The following SI variants were observed in gnomAD, a reference collection of about 807,000 sequenced individuals.
The protein encoded by SI is sucrase-isomaltase, also known as sucrase-isomaltase, intestinal.
In SI, 235 loss-of-function variants were observed where a neutral mutation model predicts 253.3. The ratio of observed to expected loss-of-function variants is 0.93; its 90% CI spans 0.83 to 1.03. The LOEUF (loss-of-function observed/expected upper bound fraction) is 1.03. Ranked by LOEUF, SI falls within the 50% of genes least tolerant of loss-of-function variation. SI has a pLI of 0.00. For missense variants in SI, 2,442 were observed against 2,211.1 expected, an observed-to-expected ratio of 1.10 and a Z score of -2.09; for synonymous variants, 819 against 712.0, an observed-to-expected ratio of 1.15 and a Z score of -2.39.
At chr3:165,070,550 A>G (rs1451890400) in intron 3 of SI, among the ~76,000 whole-genome samples, 1 of 151,520 alleles carries the variant, frequency 6.6e-6, no homozygotes, top group Non-Finnish European at 1.5e-5. Flanking sequence ...AGCAATACAA[A>G]GAGACAATTC....
Position 165,063,523 on chromosome 3 carries a change from CG to C in SI, c.825del (p.Tyr275Ter). The C allele has an allele frequency of 1.3e-6, 2 of 1,502,450 alleles. No homozygotes were observed. Among genetic ancestry groups the C allele is most frequent in the Non-Finnish European group, 9.1e-7 (1 of 1,092,964 alleles). The allele number at this position is 1,502,450 out of a possible 1,614,324, so 93.1% of individuals were successfully genotyped here. On this transcript the variant is annotated frameshift_variant, in exon 8 of 48. Transcript: ENST00000264382. LOFTEE classifies it high-confidence loss of function. ...ATACACATAAAGAATGTTTGATGGC[CG>C]TATAAATTATTATTATTCTATAAGG... ...QLPGDNNNNL[Y>X]GHQTFFMCIE...
intron 45 of SI, 98 bp downstream of exon 45, chr3:164,987,040 C>T: frequency 1.1e-6 from 1 of 945,038 alleles, no homozygotes; most frequent in Non-Finnish European, 1.7e-6. Flanking sequence ...ATATTAATAG[C>T]TTTGTACTCA....
At chr3:165,077,621 C>T (rs1004291235) in intron 1 of SI, among the ~76,000 whole-genome samples, 1 of 151,372 alleles carries the variant, frequency 6.6e-6, no homozygotes, top group Non-Finnish European at 1.5e-5. Context: ...CAAAGCTGTT[C>T]GAAAAATGAA....
At chr3:165,071,550 G>A (rs1714579762) in intron 3 of SI, among the ~76,000 whole-genome samples, 1 of 151,500 alleles carries the variant, frequency 6.6e-6, no homozygotes, top group African/African-American at 2.4e-5. Context: ...TCAATATGTA[G>A]ATATGTATAT....
chr3:165,065,238 T>C, intron 7 of SI, 23 bp downstream of exon 7: 1 of 1,503,910 alleles, frequency 6.6e-7, no homozygotes, highest in Non-Finnish European at 9.2e-7. Context: ...ATTTTATTTA[T>C]AACAAGAAAA....
chr3:164,986,564 T>C (rs918550238), intron 45 of SI, among the ~76,000 whole-genome samples: 10 of 152,218 alleles, frequency 6.6e-5, no homozygotes, highest in African/African-American at 2.2e-4. Flanking sequence ...TCCTGTTTCA[T>C]TGAACCTAAG....
intron 6 of SI, among the ~76,000 whole-genome samples, chr3:165,066,180 T>C (rs1714236811): frequency 6.6e-6 from 1 of 151,970 alleles, no homozygotes; most frequent in Admixed American, 6.6e-5. Flanking sequence ...GTATTCATTA[T>C]TATAAGTAAT....
the SI span, among the ~76,000 whole-genome samples, chr3:165,087,328 T>C: frequency 1.3e-5 from 2 of 151,974 alleles, no homozygotes; most frequent in African/African-American, 2.4e-5. Flanking sequence ...GACACCCTTA[T>C]CAAACCAGGT....
In SI at chr3:165,059,316, T is replaced by C. The variant is rs1393897969; in HGVS notation, c.1147-17A>G. ...CTGTGTATCCTGAAAGTTAGAAGAT[T>C]GTATTTCAATACATAGTACTGAAAG... On this transcript the variant is annotated splice_polypyrimidine_tract_variant and intron_variant, in intron 10 of 47. Coordinates refer to ENST00000264382, the MANE Select transcript of SI (RefSeq NM_001041.4). 1 of 1,610,038 alleles carries C rather than the reference T, an allele frequency of 6.2e-7. No individual in the cohort carries two copies. Among genetic ancestry groups the C allele is most frequent in the Admixed American group, 1.7e-5 (1 of 59,838 alleles).
At chr3:165,084,377 A>G in the SI span, among the ~76,000 whole-genome samples, 1 of 152,082 alleles carries the variant, frequency 6.6e-6, no homozygotes. Flanking sequence ...GAGCTGGTTG[A>G]TTTCAAACAT....
chr3:164,991,596 C>T (rs993705770), intron 43 of SI, 119 bp from the exon 44 acceptor site: 3 of 1,035,360 alleles, frequency 2.9e-6, no homozygotes, highest in Non-Finnish European at 4.4e-6. Flanking sequence ...TTAAAAAATT[C>T]ACATTTATTC....
intron 47 of SI, 37 bp from the exon 48 acceptor site, chr3:164,979,467 AACC>A (rs1559973450): frequency 8.7e-7 from 1 of 1,149,742 alleles, no homozygotes; most frequent in Non-Finnish European, 1.3e-6. Context: ...GTTTAATCAC[AACC>A]ACATTTTTCT....
At chr3:165,037,851 T>C in intron 21 of SI, 49 bp downstream of exon 21, 1 of 1,293,812 alleles carries the variant, frequency 7.7e-7, no homozygotes, top group Non-Finnish European at 1.1e-6. Flanking sequence ...TATGAAATAT[T>C]AAGATTTGAA....
At chr3:165,045,856 T>C (rs965184709) in intron 16 of SI, among the ~76,000 whole-genome samples, 21 of 150,476 alleles carry the variant, frequency 1.4e-4, no homozygotes, top group African/African-American at 5.1e-4. Context: ...CAATTTTTTT[T>C]TTTTTTTTTT....
chr3:165,056,856 T>A (rs1713716624), intron 12 of SI, among the ~76,000 whole-genome samples: 1 of 151,980 alleles, frequency 6.6e-6, no homozygotes, highest in Admixed American at 6.6e-5. Flanking sequence ...GGAAAACCTA[T>A]GAATGAGGAT....
intron 15 of SI, among the ~76,000 whole-genome samples, chr3:165,047,369 G>C (rs570748712): frequency 6.6e-6 from 1 of 151,870 alleles, no homozygotes; most frequent in East Asian, 1.9e-4. Flanking sequence ...TGATTGTGAG[G>C]CCCCCCCAGC....
intron 9 of SI, 106 bp from the exon 10 acceptor site, chr3:165,060,133 T>C (rs1218423903): frequency 7.1e-6 from 7 of 980,562 alleles, no homozygotes; most frequent in Non-Finnish European, 3.1e-6. Flanking sequence ...TAAAATTCAT[T>C]TAAGTTTATA....
rs985909259 is a variant in SI, at chr3:165,017,429, C to G, written c.3759+119G>C. The G allele has an allele frequency of 2.7e-5, 23 of 864,144 alleles. No individual in the cohort carries two copies. In the African/African-American group the frequency reaches 3.4e-4, roughly 13 times the overall value. 53.5% of individuals were successfully genotyped at this position (864,144 alleles called of 1,614,324 possible). On this transcript the variant is annotated intron_variant, in intron 31 of 47. Transcript: ENST00000264382. ...AATCTCATATCCAATACATAAGGTG[C>G]CAGTAAAAAAAGCTAAGCATTATTA...
intron 13 of SI, among the ~76,000 whole-genome samples, chr3:165,054,824 T>G (rs180984849): frequency 1.1e-3 from 162 of 152,316 alleles, no homozygotes; most frequent in African/African-American, 3.7e-3. Context: ...TGCTGTTGCT[T>G]GACTGTTGTC....
Sources: gnomAD v4.1 joint callset for allele counts (sites outside exome capture counted in the v4.1 genomes callset) on GRCh38, gnomAD v4.1.1 for gene constraint, MANE v1.5 for transcripts, NCBI Gene and HGNC (gene_info 2026-07-23, HGNC 2026-07-21) for gene names.